Variants in MFSD2B observed in about 807,000 individuals in gnomAD.
MFSD2B encodes sphingosine-1-phosphate transporter MFSD2B.
Under a neutral mutation model 58.4 loss-of-function variants are expected in MFSD2B, and 56 were observed. The ratio of observed to expected loss-of-function variants is 0.96; its 90% CI spans 0.77 to 1.20. MFSD2B has a LOEUF of 1.20. MFSD2B is among the 50% of genes most tolerant of loss of function. The pLI, the probability that MFSD2B is intolerant of heterozygous loss-of-function variation, is 0.00. For missense variants in MFSD2B, 645 were observed against 667.6 expected (o/e 0.97, Z 0.37); for synonymous variants, 287 against 294.4 (o/e 0.97, Z 0.26).
In MFSD2B at chr2:24,023,662, TC is replaced by T; in HGVS notation, c.1251del (p.Tyr418ThrfsTer51). 1 of 1,613,978 alleles carries T rather than the reference TC, an allele frequency of 6.2e-7. No homozygotes were observed. Among genetic ancestry groups the T allele is most frequent in the Non-Finnish European group, 8.5e-7 (1 of 1,179,858 alleles). ...GPGLETIFYSSYVFFTKLSGA... is the reference protein window; with the variant it reads ...GPGLETIFYSXYVFFTKLSGA... ...AGGCCTGGAGACCATCTTCTACTCCTCCTACGTCTTCTTCACCAAGCTGTCT... is the reference window on the plus strand; with the variant it reads ...AGGCCTGGAGACCATCTTCTACTCCTCTACGTCTTCTTCACCAAGCTGTCT... On this transcript the variant is annotated frameshift_variant, in exon 12 of 14. Transcript: ENST00000338315. LOFTEE classifies it high-confidence loss of function. The surrounding 1 kb of genome is among the most constrained non-coding windows in gnomAD (Gnocchi z 5.0).
rs971201247 is a variant in MFSD2B, at chr2:24,020,684, C to G, written c.682-964C>G. ...AAGCGATTCTGCCACCTCAGCCTCCCTAGTAGCTGGGACTGCAGGTGCATG... is the reference window on the plus strand; with the variant it reads ...AAGCGATTCTGCCACCTCAGCCTCCGTAGTAGCTGGGACTGCAGGTGCATG... On this transcript the variant is annotated intron_variant, in intron 6 of 13. Transcript: ENST00000338315. The surrounding 1 kb of genome is among the most constrained non-coding windows in gnomAD (Gnocchi z 4.1). 6.6e-6 allele frequency among the ~76,000 whole-genome samples: 1 copy of G among 152,158 alleles called. No individual in the cohort carries two copies. The highest frequency in any genetic ancestry group is 2.4e-5 in the African/African-American group (1 of 41,522).
chr2:24,018,384 C>T (rs1709236812), intron 6 of MFSD2B: 1 of 176,930 alleles, frequency 5.7e-6, no homozygotes, highest in African/African-American at 2.4e-5. Flanking sequence ...CCTGTGCGGT[C>T]AGGTGCCCTT....
In MFSD2B at chr2:24,017,611, C is replaced by T. The variant is rs547855112; in HGVS notation, c.681+23C>T. The T allele has an allele frequency of 1.3e-6, 2 of 1,530,950 alleles. No individual in the cohort carries two copies. Among genetic ancestry groups the T allele is most frequent in the Non-Finnish European group, 1.8e-6 (2 of 1,135,520 alleles). The allele number at this position is 1,530,950 out of a possible 1,614,324, so 94.8% of individuals were successfully genotyped here. On this transcript the variant is annotated intron_variant, in intron 6 of 13. Coordinates refer to ENST00000338315, the MANE Select transcript of MFSD2B (RefSeq NM_001346880.2). This position sits in a 1 kb window ranked among gnomAD's most constrained non-coding sequence, Gnocchi z 4.8. The stretch of plus-strand genomic sequence containing the variant: ...GCAGTAAGTGCACTGGGTGGCAAGG[C>T]CCCCCAACCTGGGGTCCCCTCTGCA...
At position 24,024,325 on chromosome 2, in the gene MFSD2B, G is replaced by A. The variant is rs778611440; in HGVS notation, c.1490+54G>A. On this transcript the variant is annotated intron_variant, in intron 13 of 13. Coordinates refer to ENST00000338315, the MANE Select transcript of MFSD2B (RefSeq NM_001346880.2). This position sits in a 1 kb window ranked among gnomAD's most constrained non-coding sequence, Gnocchi z 4.3. The stretch of plus-strand genomic sequence containing the variant: ...CGAGGCACAGTGTGGGCTGCTGGGG[G>A]AATGACTAACACCAGCCTGCAGACA... 5 of 1,515,804 alleles carry A rather than the reference G, an allele frequency of 3.3e-6. No individual in the cohort carries two copies. Among genetic ancestry groups the A allele is most frequent in the South Asian group, 1.2e-5 (1 of 83,102 alleles). 93.9% of individuals were successfully genotyped at this position (1,515,804 alleles called of 1,614,324 possible).
chr2:24,016,763 G>C, intron 3 of MFSD2B, 82 bp from the exon 4 acceptor site: 1 of 1,542,730 alleles, frequency 6.5e-7, no homozygotes, highest in South Asian at 1.2e-5. Flanking sequence ...GGCAGAGAAG[G>C]GGTGGGGTTC....
Position 24,022,769 on chromosome 2 carries a change from A to G in MFSD2B, c.979-53A>G. On this transcript the variant is annotated intron_variant, in intron 9 of 13. Coordinates refer to ENST00000338315, the MANE Select transcript of MFSD2B (RefSeq NM_001346880.2). This position sits in a 1 kb window ranked among gnomAD's most constrained non-coding sequence, Gnocchi z 4.5. Reference sequence around the variant, plus strand: ...CTAAAAGCCAAGGCCTTGGGGTCCCAGGCAAAGGCGCTGGCAGCACGGCCC... The same window carrying G: ...CTAAAAGCCAAGGCCTTGGGGTCCCGGGCAAAGGCGCTGGCAGCACGGCCC... 1 of 1,379,694 alleles carries G rather than the reference A, an allele frequency of 7.2e-7. No individual in the cohort carries two copies. The allele number at this position is 1,379,694 out of a possible 1,614,324, so 85.5% of individuals were successfully genotyped here. A position where few individuals can be genotyped will look rare whatever the true frequency, so the allele number is the denominator to read the frequency against.
chr2:24,024,477 T>C lies in MFSD2B; in HGVS notation c.1490+206T>C, dbSNP rs1452776185. ...CAGTCTTCTTCCTTTGATCACCTGGTAGACTGTGGTATGTGAGGGCTCACT... is the reference window on the plus strand; with the variant it reads ...CAGTCTTCTTCCTTTGATCACCTGGCAGACTGTGGTATGTGAGGGCTCACT... On this transcript the variant is annotated intron_variant, in intron 13 of 13. Transcript: ENST00000338315. The surrounding 1 kb of genome is among the most constrained non-coding windows in gnomAD (Gnocchi z 4.3). 6.6e-6 allele frequency among the ~76,000 whole-genome samples: 1 copy of C among 152,140 alleles called. No homozygotes were observed. The highest frequency in any genetic ancestry group is 1.5e-5 in the Non-Finnish European group (1 of 68,006).
In MFSD2B at chr2:24,021,910, C is replaced by T; in HGVS notation, c.834C>T (p.Thr278=). 1 of 1,613,992 alleles carries T rather than the reference C, an allele frequency of 6.2e-7. No homozygotes were observed. Among genetic ancestry groups the T allele is most frequent in the Non-Finnish European group, 8.5e-7 (1 of 1,179,860 alleles). Residue 278 remains threonine, a synonymous_variant, in exon 8 of 14, where the codon ACC becomes ACT. Transcript: ENST00000338315. The surrounding 1 kb of genome is among the most constrained non-coding windows in gnomAD (Gnocchi z 5.7). ...LSFLAGLSLT[T]RHPPYLKLVI... Reference sequence around the variant, plus strand: ...TCCTGGCTGGGCTGAGCCTCACTACCCGGCACCCACCCTACCTGAAGCTGG... The same window carrying T: ...TCCTGGCTGGGCTGAGCCTCACTACTCGGCACCCACCCTACCTGAAGCTGG...
chr2:24,022,768 C>CA lies in MFSD2B; in HGVS notation c.979-53dup. The CA allele has an allele frequency of 2.9e-6, 4 of 1,362,594 alleles. No homozygotes were observed. Among genetic ancestry groups the CA allele is most frequent in the Non-Finnish European group, 3.0e-6 (3 of 1,012,396 alleles). The allele number at this position is 1,362,594 out of a possible 1,614,324, so 84.4% of individuals were successfully genotyped here. A position where few individuals can be genotyped will look rare whatever the true frequency, so the allele number is the denominator to read the frequency against. ...TCTAAAAGCCAAGGCCTTGGGGTCC[C>CA]AGGCAAAGGCGCTGGCAGCACGGCC... On this transcript the variant is annotated intron_variant, in intron 9 of 13. Transcript: ENST00000338315. This position sits in a 1 kb window ranked among gnomAD's most constrained non-coding sequence, Gnocchi z 4.5.
At position 24,012,261 on chromosome 2, in the gene MFSD2B, A is replaced by G. The variant is rs1708986629; in HGVS notation, c.97-1024A>G. 6.6e-6 allele frequency among the ~76,000 whole-genome samples: 1 copy of G among 151,744 alleles called. No homozygotes were observed. The highest frequency in any genetic ancestry group is 2.1e-4 in the South Asian group (1 of 4,812). ...GGAGATGGGATCTGATTATTTATTT[A>G]TTTATTTATGACTGAGTCTCTGTCA... On this transcript the variant is annotated intron_variant, in intron 1 of 13. Coordinates refer to ENST00000338315, the MANE Select transcript of MFSD2B (RefSeq NM_001346880.2). This position sits in a 1 kb window ranked among gnomAD's most constrained non-coding sequence, Gnocchi z 4.5.
rs775296604 is a variant in MFSD2B at position 24,013,370 on chromosome 2, C to T, written c.182C>T (p.Thr61Ile). 1 of 1,610,794 alleles carries T rather than the reference C, an allele frequency of 6.2e-7. No homozygotes were observed. The highest frequency in any genetic ancestry group is 8.5e-7 in the Non-Finnish European group (1 of 1,178,662). The change falls in exon 2 of 14, where the codon ACA (threonine) becomes ATA (isoleucine). Residue 61 changes from threonine to isoleucine, a missense_variant. Physicochemically the swap from Thr to Ile is moderately conservative, Grantham distance 89. Transcript: ENST00000338315. ...GVPNQIASSA[T>I]AFYLQLFLLD... ...CCCAACCAGATAGCCTCCAGCGCCA[C>T]AGCCTTTTACCTGCAGCTTTTCCTG...
rs1445952594 is a variant in MFSD2B, at chr2:24,021,771, TG to T, written c.772+38del. 1.2e-6 allele frequency: 2 copies of T among 1,612,780 alleles called. No homozygotes were observed. Among genetic ancestry groups the T allele is most frequent in the Admixed American group, 1.7e-5 (1 of 59,772 alleles). On this transcript the variant is annotated intron_variant, in intron 7 of 13. Transcript: ENST00000338315. This position sits in a 1 kb window ranked among gnomAD's most constrained non-coding sequence, Gnocchi z 5.7. ...GTTTGGTGAGGAGGGAAGCAGAAGC[TG>T]GGGGCAGGGCTCTGCTTGGGGGCAG...
At position 24,022,720 on chromosome 2, in the gene MFSD2B, C is replaced by A; in HGVS notation, c.979-102C>A. On this transcript the variant is annotated intron_variant, in intron 9 of 13. Transcript: ENST00000338315. This position sits in a 1 kb window ranked among gnomAD's most constrained non-coding sequence, Gnocchi z 4.5. ...CATAGCCACCGGTTTGAACCAGGGG[C>A]AAGGCCAAGGTCAGGCATCCAATCT... 1 of 953,438 alleles carries A rather than the reference C, an allele frequency of 1.0e-6. No individual in the cohort carries two copies. The highest frequency in any genetic ancestry group is 1.5e-6 in the Non-Finnish European group (1 of 648,742). 59.1% of individuals were successfully genotyped at this position (953,438 alleles called of 1,614,324 possible). A position where few individuals can be genotyped will look rare whatever the true frequency, so the allele number is the denominator to read the frequency against.
chr2:24,015,391 G>A (rs1709104687), intron 2 of MFSD2B, among the ~76,000 whole-genome samples: 2 of 152,156 alleles, frequency 1.3e-5, no homozygotes. Flanking sequence ...GGCAGTGGTT[G>A]CAGTGAGCCG....
chr2:24,016,816 G>A, intron 3 of MFSD2B, 29 bp from the exon 4 acceptor site: 2 of 1,609,988 alleles, frequency 1.2e-6, no homozygotes, highest in East Asian at 2.2e-5. Context: ...GGGTCGGGGG[G>A]CCGCTCCACC....
At position 24,023,371 on chromosome 2, in the gene MFSD2B, T is replaced by C; in HGVS notation, c.1169+132T>C. The C allele has an allele frequency of 2.1e-6, 2 of 934,326 alleles. No individual in the cohort carries two copies. Among genetic ancestry groups the C allele is most frequent in the Non-Finnish European group, 3.3e-6 (2 of 600,704 alleles). The allele number at this position is 934,326 out of a possible 1,614,324, so 57.9% of individuals were successfully genotyped here. ...GCCACCAGCTCCATCCTCAGAGCCC[T>C]CCTGAGAGGACATCAGGCAGTAGGA... On this transcript the variant is annotated intron_variant, in intron 11 of 13. Coordinates refer to ENST00000338315, the MANE Select transcript of MFSD2B (RefSeq NM_001346880.2). The surrounding 1 kb of genome is among the most constrained non-coding windows in gnomAD (Gnocchi z 5.0).
chr2:24,011,696 C>A (rs1708958675), intron 1 of MFSD2B, among the ~76,000 whole-genome samples: 1 of 152,180 alleles, frequency 6.6e-6, no homozygotes, highest in Non-Finnish European at 1.5e-5. Context: ...ATACTAAGCA[C>A]CTACTGTATA....
At position 24,012,175 on chromosome 2, in the gene MFSD2B, C is replaced by A. The variant is rs2339937; in HGVS notation, c.97-1110C>A. On this transcript the variant is annotated intron_variant, in intron 1 of 13. Coordinates refer to ENST00000338315, the MANE Select transcript of MFSD2B (RefSeq NM_001346880.2). This position sits in a 1 kb window ranked among gnomAD's most constrained non-coding sequence, Gnocchi z 4.5. ...AAACACACACACACACACACACACACACACAAAAACAGACAAAAAAACCCT... is the reference window on the plus strand; with the variant it reads ...AAACACACACACACACACACACACAAACACAAAAACAGACAAAAAAACCCT... Among the ~76,000 whole-genome samples the A allele has an allele frequency of 0.65, 91,532 of 139,752 alleles. 29,199 individuals are homozygous for A. The highest frequency in any genetic ancestry group is 0.82 in the East Asian group (4,112 of 5,022). 91.7% of individuals were successfully genotyped at this position (139,752 alleles called of 152,430 possible).
chr2:24,025,514 C>T lies in MFSD2B; in HGVS notation c.*58C>T, dbSNP rs1662950808. The T allele has an allele frequency of 4.8e-6, 7 of 1,469,642 alleles. No individual in the cohort carries two copies. Among genetic ancestry groups the T allele is most frequent in the East Asian group, 2.5e-5 (1 of 40,598 alleles). The allele number at this position is 1,469,642 out of a possible 1,614,324, so 91.0% of individuals were successfully genotyped here. A position where few individuals can be genotyped will look rare whatever the true frequency, so the allele number is the denominator to read the frequency against. ...AGCCAGCACCCTCGGGGCCTGACAT[C>T]GCCCTCCTCAGCCCTCCAGCACCTG... On this transcript the variant is annotated 3_prime_UTR_variant, in exon 14 of 14. Coordinates refer to ENST00000338315, the MANE Select transcript of MFSD2B (RefSeq NM_001346880.2).
Sources: allele counts gnomAD v4.1 joint callset (sites outside exome capture counted in the v4.1 genomes callset), GRCh38; gene constraint gnomAD v4.1.1; non-coding constraint Gnocchi (gnomAD v3.1); transcripts MANE v1.5; gene names NCBI Gene and HGNC (gene_info 2026-07-23, HGNC 2026-07-21).